RUFY3: variants seen among roughly 807,000 people sequenced by gnomAD.
The protein encoded by RUFY3 is RUN and FYVE domain containing 3.
RUFY3 carries 34 observed loss-of-function variants against 84.0 expected under a neutral mutation model. The ratio of observed to expected loss-of-function variants is 0.40; its 90% confidence interval spans 0.31 to 0.54. RUFY3 has a LOEUF of 0.54. RUFY3 is among the 20% of genes least tolerant of loss of function. RUFY3 has a pLI of 0.39. For missense variants in RUFY3, 507 were observed against 736.8 expected (o/e 0.69, Z 3.61); for synonymous variants, 242 against 252.9 (o/e 0.96, Z 0.41).
At chr4:70,797,960 A>C (rs551356212) in intron 14 of RUFY3, among the ~76,000 whole-genome samples, 1 of 152,354 alleles carries the variant, frequency 6.6e-6, no homozygotes, top group South Asian at 2.1e-4. Flanking sequence ...ATCTTGGCCT[A>C]CCTCACCCTA....
At chr4:70,712,447 A>G (rs953174483) in intron 1 of RUFY3, among the ~76,000 whole-genome samples, 2 of 152,230 alleles carry the variant, frequency 1.3e-5, no homozygotes, top group Admixed American at 6.5e-5. Context: ...GTTGCTGGGT[A>G]GGAGGGATAG....
At position 70,784,793 on chromosome 4, in the gene RUFY3, A is replaced by G. The variant is rs564923701; in HGVS notation, c.988-3A>G. 12 of 1,590,392 alleles carry G rather than the reference A, an allele frequency of 7.5e-6. No homozygotes were observed. In the East Asian group the frequency reaches 2.7e-4, roughly 36 times the overall value. On this transcript the variant is annotated splice_polypyrimidine_tract_variant and splice_region_variant and intron_variant, in intron 9 of 17. Transcript: ENST00000381006. ...TATGTACAATGTTATTTATCTTTTC[A>G]AGGGTCCCAAGCAAGACAGAACTGC...
rs1175778081 is a variant in RUFY3 at position 70,722,515 on chromosome 4, G to A, written c.-59G>A. On this transcript the variant is annotated 5_prime_UTR_variant, in exon 1 of 18. It adds an upstream start codon to the 5' untranslated region. Coordinates refer to ENST00000381006, the MANE Select transcript of RUFY3 (RefSeq NM_001037442.4). ...TGAGGAGGTTGTATTTATTTTTTTG[G>A]TGTGTGTGTGTGAGTGTGTGTGTGT... 1 of 1,419,814 alleles carries A rather than the reference G, an allele frequency of 7.0e-7. No homozygotes were observed. The highest frequency in any genetic ancestry group is 9.3e-7 in the Non-Finnish European group (1 of 1,071,614). 88.0% of individuals were successfully genotyped at this position (1,419,814 alleles called of 1,614,324 possible).
At chr4:70,731,806 G>T (rs1007034597) in intron 1 of RUFY3, among the ~76,000 whole-genome samples, 2 of 152,114 alleles carry the variant, frequency 1.3e-5, no homozygotes, top group African/African-American at 4.8e-5. Flanking sequence ...GGGCTCAAGC[G>T]ATCACCCGCC....
chr4:70,707,531 C>T (rs1477373631), intron 1 of RUFY3, among the ~76,000 whole-genome samples: 1 of 152,162 alleles, frequency 6.6e-6, no homozygotes, highest in East Asian at 1.9e-4. Flanking sequence ...CAGGGGTGAG[C>T]CGCCGTGCCC....
At position 70,783,156 on chromosome 4, in the gene RUFY3, T is replaced by TTCC. The variant is rs769298356; in HGVS notation, c.962_964dup (p.Ser321dup). 4 of 1,608,436 alleles carry TTCC rather than the reference T, an allele frequency of 2.5e-6. No individual in the cohort carries two copies. The African/African-American group carries it at 5.3e-5, about 22-fold the overall frequency. On this transcript the variant is annotated inframe_insertion, in exon 9 of 18. Transcript: ENST00000381006. ...AAATGGAACGAGTTAAAGAGGAAAG[T>TTCC]TCCTACATACTGGAATCCAATCGGA...
chr4:70,714,763 G>A (rs1741382209), intron 1 of RUFY3, among the ~76,000 whole-genome samples: 1 of 152,216 alleles, frequency 6.6e-6, no homozygotes, highest in Non-Finnish European at 1.5e-5. Flanking sequence ...GGTCTTTGTG[G>A]AGCTAGTTAT....
In RUFY3 at chr4:70,807,905, A is replaced by G. The variant is rs903101917; in HGVS notation, c.*1246A>G. On this transcript the variant is annotated 3_prime_UTR_variant, in exon 18 of 18. Coordinates refer to ENST00000381006, the MANE Select transcript of RUFY3 (RefSeq NM_001037442.4). ...GTGAGTCACGAATGAGAGCTGATAGATGCTTTCTTGAAAAGGGCAATACAG... is the reference window on the plus strand; with the variant it reads ...GTGAGTCACGAATGAGAGCTGATAGGTGCTTTCTTGAAAAGGGCAATACAG... Among the ~76,000 whole-genome samples, 3 of 152,108 alleles carry G rather than the reference A, an allele frequency of 2.0e-5. No individual in the cohort carries two copies. Among genetic ancestry groups the G allele is most frequent in the Non-Finnish European group, 4.4e-5 (3 of 68,016 alleles).
At chr4:70,768,160 A>C (rs981887547) in intron 4 of RUFY3, among the ~76,000 whole-genome samples, 1 of 152,206 alleles carries the variant, frequency 6.6e-6, no homozygotes. Flanking sequence ...TAAGATGCAT[A>C]AAAGATTGCA....
intron 1 of RUFY3, among the ~76,000 whole-genome samples, chr4:70,740,514 C>G (rs1721164070): frequency 6.6e-6 from 1 of 152,018 alleles, no homozygotes. Context: ...TCATAGGTGA[C>G]AAATAGAGTT....
intron 14 of RUFY3, among the ~76,000 whole-genome samples, chr4:70,798,720 T>C (rs1483896818): frequency 6.6e-6 from 1 of 151,390 alleles, no homozygotes; most frequent in East Asian, 1.9e-4. Context: ...AGGCAGAGGT[T>C]GCATGAAACC....
chr4:70,791,719 T>A, intron 12 of RUFY3: 1 of 1,004,548 alleles, frequency 1.0e-6, no homozygotes, highest in Non-Finnish European at 1.2e-6. Context: ...TGCAGTGTGA[T>A]GAACCTAGAG....
intron 1 of RUFY3, among the ~76,000 whole-genome samples, chr4:70,758,282 G>A (rs1039025224): frequency 1.1e-4 from 16 of 152,152 alleles, no homozygotes; most frequent in African/African-American, 3.9e-4. Context: ...ATGTTGAATA[G>A]AAAATATTCT....
intron 1 of RUFY3, among the ~76,000 whole-genome samples, chr4:70,749,003 T>G: frequency 6.6e-6 from 1 of 152,282 alleles, no homozygotes; most frequent in Middle Eastern, 3.4e-3. Context: ...GAGAGACAGA[T>G]CTAACCCTTC....
At chr4:70,778,521 G>C in intron 8 of RUFY3, 83 bp downstream of exon 8, 1 of 572,990 alleles carries the variant, frequency 1.7e-6, no homozygotes. Flanking sequence ...ACCTTGGAAA[G>C]AAAGAACTTG....
intron 7 of RUFY3, among the ~76,000 whole-genome samples, chr4:70,776,301 A>G (rs1484982329): frequency 6.6e-6 from 1 of 152,218 alleles, no homozygotes; most frequent in Admixed American, 6.5e-5. Context: ...AGTAATGTGA[A>G]TGTAGTGTCT....
upstream of RUFY3, among the ~76,000 whole-genome samples, chr4:70,717,009 A>G (rs1421926611): frequency 6.6e-6 from 1 of 152,170 alleles, no homozygotes; most frequent in Non-Finnish European, 1.5e-5. Context: ...TTGAAATAAG[A>G]TAATGATTTA....
intron 1 of RUFY3, among the ~76,000 whole-genome samples, chr4:70,744,227 ATCAC>A (rs1212528583): frequency 2.0e-5 from 3 of 152,010 alleles, no homozygotes; most frequent in Non-Finnish European, 2.9e-5. Context: ...GAGACGAGGT[ATCAC>A]TCTGTTGCCC....
At chr4:70,746,818 C>A (rs761274364) in intron 1 of RUFY3, among the ~76,000 whole-genome samples, 6 of 152,134 alleles carry the variant, frequency 3.9e-5, no homozygotes, top group Non-Finnish European at 8.8e-5. Flanking sequence ...CTATATGATT[C>A]TATTTACATA....
Sources: allele counts gnomAD v4.1 joint callset (sites outside exome capture counted in the v4.1 genomes callset), GRCh38; gene constraint gnomAD v4.1.1; transcripts MANE v1.5; gene names NCBI Gene and HGNC (gene_info 2026-07-23, HGNC 2026-07-21).